STRN3: variants seen among roughly 807,000 people sequenced by gnomAD.
The protein encoded by STRN3 is striatin-3.
STRN3 carries 29 observed loss-of-function variants against 95.6 expected under a neutral mutation model. The ratio of observed to expected loss-of-function variants is 0.30; its 90% CI spans 0.23 to 0.41. The LOEUF (loss-of-function observed/expected upper bound fraction) is 0.41, where lower values mean the gene tolerates loss of function less well. Ranked by LOEUF, STRN3 falls within the 10% of genes least tolerant of loss-of-function variation. The probability of loss-of-function intolerance (pLI) is 1.00; values close to 1 mark genes in which losing one functional copy is unlikely to be tolerated. For synonymous variants in STRN3, 331 were observed against 357.6 expected (o/e 0.93, Z 0.84); for missense variants, 890 against 972.1 (o/e 0.92, Z 1.12).
chr14:30,896,272 A>G (rs1566422103), intron 16 of STRN3, among the ~76,000 whole-genome samples: 1 of 152,254 alleles, frequency 6.6e-6, no homozygotes, highest in East Asian at 1.9e-4. Flanking sequence ...GTATCTGACA[A>G]TATCTGATAG....
chr14:30,964,133 T>C (rs1423236268), intron 1 of STRN3, among the ~76,000 whole-genome samples: 1 of 152,080 alleles, frequency 6.6e-6, no homozygotes, highest in Non-Finnish European at 1.5e-5. Flanking sequence ...GCATCTGTAG[T>C]CTCAGCTATA....
chr14:31,012,308 A>G (rs2139323787), intron 1 of STRN3, among the ~76,000 whole-genome samples: 1 of 152,314 alleles, frequency 6.6e-6, no homozygotes, highest in East Asian at 1.9e-4. Context: ...AGCAAGCCCC[A>G]GTTAACAGCT....
chr14:31,025,610 C>G (rs1246459735), intron 1 of STRN3: 3 of 482,400 alleles, frequency 6.2e-6, no homozygotes, highest in Non-Finnish European at 1.1e-5. Context: ...CCCGGAGGCC[C>G]GGGAAGGCCG....
chr14:31,009,344 GCTGTCCCGTGCGTGTTTAGTAGCATCC>G lies in STRN3; in HGVS notation c.282+16533_282+16559del, dbSNP rs575825110. On this transcript the variant is annotated intron_variant, in intron 1 of 17. Coordinates refer to ENST00000357479, the MANE Select transcript of STRN3 (RefSeq NM_001083893.2). The stretch of plus-strand genomic sequence containing the variant: ...TAATATTTTATTTGGGACATGGAGG[GCTGTCCCGTGCGTGTTTAGTAGCATCC>G]CTGTCCACTCTCCACTAAATGCCAG... Among the ~76,000 whole-genome samples the G allele has an allele frequency of 4.2e-4, 64 of 152,142 alleles. No homozygotes were observed. In the East Asian group the frequency reaches 0.011, roughly 25 times the overall value.
At chr14:30,905,934 A>G (rs1301771231) in intron 14 of STRN3, among the ~76,000 whole-genome samples, 1 of 152,254 alleles carries the variant, frequency 6.6e-6, no homozygotes, top group Non-Finnish European at 1.5e-5. Context: ...GCATTCTCAC[A>G]TAACTTTGGG....
intron 1 of STRN3, among the ~76,000 whole-genome samples, chr14:31,014,428 G>A (rs1883141436): frequency 6.6e-6 from 1 of 151,966 alleles, no homozygotes; most frequent in African/African-American, 2.4e-5. Flanking sequence ...CACCATGTGG[G>A]TCAGGCTGTT....
chr14:30,999,878 C>T (rs1468613235), intron 1 of STRN3, among the ~76,000 whole-genome samples: 4 of 151,948 alleles, frequency 2.6e-5, no homozygotes, highest in African/African-American at 7.3e-5. Flanking sequence ...GATTAAAAGC[C>T]AATAAAAATA....
Position 30,912,126 on chromosome 14 carries a change from A to C in STRN3, c.1431T>G (p.Arg477=). Reference sequence around the variant, plus strand: ...ATGCCCGTACTCCATCAAAATGGCTACGTAGTGTATACTTGGGATTCCATG... The same window carrying C: ...ATGCCCGTACTCCATCAAAATGGCTCCGTAGTGTATACTTGGGATTCCATG... ...RKTWNPKYTL[R]SHFDGVRALA... Residue 477 remains arginine, a synonymous_variant, in exon 11 of 18, where the codon CGT becomes CGG. Coordinates refer to ENST00000357479, the MANE Select transcript of STRN3 (RefSeq NM_001083893.2). 1 of 1,614,144 alleles carries C rather than the reference A, an allele frequency of 6.2e-7. No homozygotes were observed. Among genetic ancestry groups the C allele is most frequent in the Non-Finnish European group, 8.5e-7 (1 of 1,180,002 alleles).
chr14:31,026,011 G>A lies in STRN3; in HGVS notation c.175C>T (p.Arg59Trp). ...CCCGGGATAGTGTACTGCTGCGGCC[G>A]GGACAGCTCGGGGCCTGCCGCGGGA... ...AGPAAGPELSRPQQYTIPGIL... is the reference protein window; with the variant it reads ...AGPAAGPELSWPQQYTIPGIL... Residue 59 changes from arginine to tryptophan, a missense_variant, in exon 1 of 18, where the codon CGG becomes TGG. Coordinates refer to ENST00000357479, the MANE Select transcript of STRN3 (RefSeq NM_001083893.2). 6.5e-7 allele frequency: 1 copy of A among 1,548,816 alleles called. No individual in the cohort carries two copies. The highest frequency in any genetic ancestry group is 8.7e-7 in the Non-Finnish European group (1 of 1,146,392).
At chr14:30,968,472 G>T (rs931470386) in intron 1 of STRN3, among the ~76,000 whole-genome samples, 1 of 151,520 alleles carries the variant, frequency 6.6e-6, no homozygotes. Context: ...ACGAGGTCAG[G>T]AGATCGAGAC....
rs752400884 is a variant in STRN3, at chr14:30,929,181, TAGTC to T, written c.1099+16_1099+19del. ...AATTATTGGTATACAAAAATTATAA[TAGTC>T]AGAATCTGCACTTACTCTTCACCCC... On this transcript the variant is annotated intron_variant, in intron 8 of 17. Coordinates refer to ENST00000357479, the MANE Select transcript of STRN3 (RefSeq NM_001083893.2). 110 of 1,561,362 alleles carry T rather than the reference TAGTC, an allele frequency of 7.0e-5. No individual in the cohort carries two copies. Among genetic ancestry groups the T allele is most frequent in the Middle Eastern group, 1.7e-4 (1 of 5,920 alleles).
intron 7 of STRN3, among the ~76,000 whole-genome samples, chr14:30,934,277 T>C (rs962649872): frequency 7.9e-5 from 12 of 152,226 alleles, no homozygotes; most frequent in Admixed American, 3.3e-4. Flanking sequence ...TGAGCCAAGA[T>C]TGCACCACTG....
intron 16 of STRN3, among the ~76,000 whole-genome samples, chr14:30,901,009 A>C (rs1896299335): frequency 6.6e-6 from 1 of 152,178 alleles, no homozygotes; most frequent in African/African-American, 2.4e-5. Context: ...TTCCCATATA[A>C]CTGTAAATCT....
At position 30,894,705 on chromosome 14, in the gene STRN3, A is replaced by T; in HGVS notation, c.*706T>A. On this transcript the variant is annotated 3_prime_UTR_variant, in exon 18 of 18. Transcript: ENST00000357479. ...TGTATTAGGCAAAAGAAGGAAAGAA[A>T]GTGGTTACAGGGCAACGGGTCAGTG... The T allele has an allele frequency of 5.7e-6, 1 of 174,236 alleles. No individual in the cohort carries two copies. Among genetic ancestry groups the T allele is most frequent in the Non-Finnish European group, 1.2e-5 (1 of 82,210 alleles). 10.8% of individuals were successfully genotyped at this position (174,236 alleles called of 1,614,324 possible). A position where few individuals can be genotyped will look rare whatever the true frequency, so the allele number is the denominator to read the frequency against.
intron 9 of STRN3, among the ~76,000 whole-genome samples, chr14:30,917,424 G>A (rs1310544735): frequency 2.0e-5 from 3 of 151,958 alleles, no homozygotes; most frequent in African/African-American, 4.8e-5. Context: ...TTGCTAACGT[G>A]GCTTTGCCTT....
chr14:31,012,891 TC>T (rs1370637982), intron 1 of STRN3, among the ~76,000 whole-genome samples: 2 of 142,838 alleles, frequency 1.4e-5, no homozygotes, highest in African/African-American at 2.6e-5. Flanking sequence ...CAAAACTCCG[TC>T]TCAAAAAAAA....
intron 5 of STRN3, among the ~76,000 whole-genome samples, chr14:30,940,716 T>C (rs1031514196): frequency 3.9e-5 from 6 of 152,208 alleles, no homozygotes; most frequent in Non-Finnish European, 5.9e-5. Flanking sequence ...TCTGAAAATA[T>C]ATTCCAGAGA....
intron 1 of STRN3, among the ~76,000 whole-genome samples, chr14:30,958,079 C>T (rs1344641075): frequency 1.3e-5 from 2 of 152,188 alleles, no homozygotes; most frequent in African/African-American, 4.8e-5. Flanking sequence ...AACTTCTTAA[C>T]ACCTGAGAAG....
chr14:30,978,323 A>G lies in STRN3; in HGVS notation c.283-22081T>C, dbSNP rs79299635. On this transcript the variant is annotated intron_variant, in intron 1 of 17. Coordinates refer to ENST00000357479, the MANE Select transcript of STRN3 (RefSeq NM_001083893.2). ...TCCAGGCATACTAGACTGATTCAAC[A>G]TTCAAAACTGTGTTAATATAACGCA... 3.0e-3 allele frequency among the ~76,000 whole-genome samples: 452 copies of G among 152,296 alleles called. 2 individuals carry two copies. Among genetic ancestry groups the G allele is most frequent in the African/African-American group, 0.01 (430 of 41,562 alleles).
Sources: gnomAD v4.1 joint callset for allele counts (sites outside exome capture counted in the v4.1 genomes callset) on GRCh38, gnomAD v4.1.1 for gene constraint, MANE v1.5 for transcripts, NCBI Gene and HGNC (gene_info 2026-07-23, HGNC 2026-07-21) for gene names.